The following DUSP3 variants were observed in gnomAD, a reference collection of about 807,000 sequenced individuals.
The protein encoded by DUSP3 is dual specificity protein phosphatase 3.
DUSP3 carries 7 observed loss-of-function variants against 15.5 expected under a neutral mutation model. That is an observed-to-expected ratio of 0.45 (90% CI 0.26 to 0.85). The LOEUF is 0.85. DUSP3 is among the 40% of genes least tolerant of loss of function. DUSP3 has a pLI of 0.18. For synonymous variants in DUSP3, 86 were observed against 104.2 expected (o/e 0.83, Z 1.07); for missense variants, 209 against 251.7 (o/e 0.83, Z 1.15).
rs945682697 is a variant in DUSP3, at chr17:43,769,431, CTTT to C, written c.*175_*177del. ...CAAGGACGCCCCCCTTGGCAAGCTT[CTTT>C]ATGTGCTCCCCAGGGTGGGGAAAGT... is the stretch of plus-strand genomic sequence containing the variant. On this transcript the variant is annotated 3_prime_UTR_variant, in exon 3 of 3. Coordinates refer to ENST00000226004, the MANE Select transcript of DUSP3 (RefSeq NM_004090.4). 3.5e-5 allele frequency: 23 copies of C among 661,908 alleles called. No homozygotes were observed. Among genetic ancestry groups the C allele is most frequent in the African/African-American group, 1.8e-5 (1 of 54,098 alleles). The allele number at this position is 661,908 out of a possible 1,614,324, so 41.0% of individuals were successfully genotyped here. A position where few individuals can be genotyped will look rare whatever the true frequency, so the allele number is the denominator to read the frequency against.
Position 43,769,318 on chromosome 17 carries a change from G to T in DUSP3, c.*291C>A. ...CACACCTCCTGCCGTGGGCCATCGGGAAGCATGCAGGCCACAGGCCTTCCC... is the reference window on the plus strand; with the variant it reads ...CACACCTCCTGCCGTGGGCCATCGGTAAGCATGCAGGCCACAGGCCTTCCC... On this transcript the variant is annotated 3_prime_UTR_variant, in exon 3 of 3. Transcript: ENST00000226004. The T allele has an allele frequency of 2.5e-6, 1 of 403,132 alleles. No individual in the cohort carries two copies. Among genetic ancestry groups the T allele is most frequent in the Non-Finnish European group, 4.5e-6 (1 of 222,548 alleles). 25.0% of individuals were successfully genotyped at this position (403,132 alleles called of 1,614,324 possible). A position where few individuals can be genotyped will look rare whatever the true frequency, so the allele number is the denominator to read the frequency against.
At position 43,768,613 on chromosome 17, in the gene DUSP3, C is replaced by G. The variant is rs1974271054; in HGVS notation, c.*996G>C. The G allele has an allele frequency of 6.6e-6, 1 of 152,208 alleles. No individual in the cohort carries two copies. Among genetic ancestry groups the G allele is most frequent in the African/African-American group, 2.4e-5 (1 of 41,430 alleles). 9.4% of individuals were successfully genotyped at this position (152,208 alleles called of 1,614,324 possible). A position where few individuals can be genotyped will look rare whatever the true frequency, so the allele number is the denominator to read the frequency against. The stretch of plus-strand genomic sequence containing the variant: ...GTTTCTGAGAGGCACGCCCCCCACA[C>G]ACATCCATGCACACACGCTGTAATT... On this transcript the variant is annotated 3_prime_UTR_variant, in exon 3 of 3. Coordinates refer to ENST00000226004, the MANE Select transcript of DUSP3 (RefSeq NM_004090.4).
chr17:43,778,220 T>TCTC (rs1251290019), intron 1 of DUSP3: 1 of 152,192 alleles, frequency 6.6e-6, no homozygotes, highest in East Asian at 1.9e-4. Flanking sequence ...CGTTCTAGAA[T>TCTC]CTCCTGTAAA....
chr17:43,769,851 G>C, intron 2 of DUSP3, 37 bp from the exon 3 acceptor site: 1 of 1,607,266 alleles, frequency 6.2e-7, no homozygotes, highest in Non-Finnish European at 8.5e-7. Context: ...AGCTGGGGGC[G>C]TCCCATCACA....
intron 1 of DUSP3, among the ~76,000 whole-genome samples, 161 bp downstream of exon 1, chr17:43,778,639 G>T (rs112499115): frequency 6.6e-6 from 1 of 152,054 alleles, no homozygotes; most frequent in Non-Finnish European, 1.5e-5. Context: ...GCGGGGGTAG[G>T]CGTCGACTCC....
At chr17:43,774,986 C>A (rs576345083) in intron 1 of DUSP3, 48 bp from the exon 2 acceptor site, 1 of 1,585,822 alleles carries the variant, frequency 6.3e-7, no homozygotes, top group African/African-American at 1.3e-5. Flanking sequence ...AAATGGCAGC[C>A]CCAGGGGGAG....
intron 1 of DUSP3, among the ~76,000 whole-genome samples, chr17:43,775,346 T>C (rs1366723002): frequency 1.1e-4 from 17 of 152,186 alleles, no homozygotes; most frequent in Non-Finnish European, 1.0e-4. Flanking sequence ...TGGGTCTGCA[T>C]CCTGCCCAGG....
rs945296583 is a variant in DUSP3, at chr17:43,767,835, G to C, written c.*1774C>G. On this transcript the variant is annotated 3_prime_UTR_variant, in exon 3 of 3. Transcript: ENST00000226004. Reference sequence around the variant, plus strand: ...AGCGGACAGCAAATGACCAGGCTGGGCAGGGCTGCTTCTGTGTGATCAGAG... The same window carrying C: ...AGCGGACAGCAAATGACCAGGCTGGCCAGGGCTGCTTCTGTGTGATCAGAG... The C allele has an allele frequency of 6.6e-6, 1 of 152,196 alleles. No individual in the cohort carries two copies. Among genetic ancestry groups the C allele is most frequent in the Non-Finnish European group, 1.5e-5 (1 of 68,066 alleles). 9.4% of individuals were successfully genotyped at this position (152,196 alleles called of 1,614,324 possible). A position where few individuals can be genotyped will look rare whatever the true frequency, so the allele number is the denominator to read the frequency against.
At chr17:43,777,218 C>T (rs571536963) in intron 1 of DUSP3, among the ~76,000 whole-genome samples, 2 of 152,332 alleles carry the variant, frequency 1.3e-5, no homozygotes, top group Admixed American at 6.5e-5. Flanking sequence ...GGTGACCCAC[C>T]CGCCTCGGCC....
At chr17:43,772,793 C>T (rs1974334829) in intron 2 of DUSP3, among the ~76,000 whole-genome samples, 1 of 152,114 alleles carries the variant, frequency 6.6e-6, no homozygotes. Context: ...GAAGAGAGGA[C>T]ACCATGCCAA....
intron 2 of DUSP3, among the ~76,000 whole-genome samples, chr17:43,772,199 T>G (rs1279608735): frequency 1.3e-5 from 2 of 152,198 alleles, no homozygotes; most frequent in Admixed American, 1.3e-4. Context: ...GAGTCTCTTC[T>G]GCTCCTATCA....
intron 2 of DUSP3, among the ~76,000 whole-genome samples, chr17:43,771,793 G>C (rs1974323850): frequency 6.6e-6 from 1 of 152,176 alleles, no homozygotes; most frequent in African/African-American, 2.4e-5. Context: ...CGGATCCCCT[G>C]AAGTCAGGAG....
rs941519260 is a variant in DUSP3, at chr17:43,766,370, G to C, written c.*3239C>G. 1 of 152,140 alleles carries C rather than the reference G, an allele frequency of 6.6e-6. No homozygotes were observed. Among genetic ancestry groups the C allele is most frequent in the African/African-American group, 2.4e-5 (1 of 41,414 alleles). The allele number at this position is 152,140 out of a possible 1,614,324, so 9.4% of individuals were successfully genotyped here. ...CGGAAATGTCTTCTATTTCCAATCA[G>C]GATAAAACCTTGACTTACTTGCAAG... On this transcript the variant is annotated 3_prime_UTR_variant, in exon 3 of 3. Transcript: ENST00000226004.
intron 2 of DUSP3, among the ~76,000 whole-genome samples, chr17:43,771,022 AT>A (rs1974312610): frequency 1.9e-5 from 2 of 107,648 alleles, no homozygotes; most frequent in African/African-American, 6.9e-5. Flanking sequence ...GTGTGTGTGT[AT>A]GTGTGTGTAT....
intron 1 of DUSP3, among the ~76,000 whole-genome samples, chr17:43,776,172 G>A (rs755919900): frequency 2.0e-5 from 3 of 152,170 alleles, no homozygotes; most frequent in African/African-American, 7.2e-5. Flanking sequence ...TGGTGAAAAG[G>A]CCCCTTTATT....
At chr17:43,774,648 G>C in intron 2 of DUSP3, 64 bp downstream of exon 2, 2 of 1,573,592 alleles carry the variant, frequency 1.3e-6, no homozygotes, top group South Asian at 2.2e-5. Context: ...TTGTGGGCCT[G>C]TTTTCCAGAG....
At position 43,768,774 on chromosome 17, in the gene DUSP3, T is replaced by C. The variant is rs575715684; in HGVS notation, c.*835A>G. On this transcript the variant is annotated 3_prime_UTR_variant, in exon 3 of 3. Coordinates refer to ENST00000226004, the MANE Select transcript of DUSP3 (RefSeq NM_004090.4). ...CCAAATGGTGGGGTTTTTAAATAGG[T>C]TGGACTTCAACTCCCTGTTTTCTAA... The C allele has an allele frequency of 3.8e-4, 57 of 151,926 alleles. No individual in the cohort carries two copies. Among genetic ancestry groups the C allele is most frequent in the African/African-American group, 1.4e-3 (56 of 41,382 alleles). 9.4% of individuals were successfully genotyped at this position (151,926 alleles called of 1,614,324 possible).
At chr17:43,770,966 T>C (rs1037360317) in intron 2 of DUSP3, among the ~76,000 whole-genome samples, 5 of 148,892 alleles carry the variant, frequency 3.4e-5, no homozygotes, top group African/African-American at 9.9e-5. Flanking sequence ...TATTTTAATA[T>C]AGTGTGTGTG....
Position 43,774,818 on chromosome 17 carries a change from G to T in DUSP3, c.246C>A (p.Gly82=), listed in dbSNP as rs763059564. Residue 82 remains glycine, a synonymous_variant, in exon 2 of 3, where the codon GGC becomes GGA. Coordinates refer to ENST00000226004, the MANE Select transcript of DUSP3 (RefSeq NM_004090.4). The part of the protein sequence containing the change: ...NTNANFYKDS[G]ITYLGIKAND... ...TGGCCTTGATGCCCAGGTATGTGAT[G>T]CCGGAGTCCTTGTAGAAGTTGGCAT... The T allele has an allele frequency of 1.6e-5, 26 of 1,614,184 alleles. No homozygotes were observed. Among genetic ancestry groups the T allele is most frequent in the Non-Finnish European group, 2.2e-5 (26 of 1,180,022 alleles).
Sources: gnomAD v4.1 joint callset for allele counts (sites outside exome capture counted in the v4.1 genomes callset) on GRCh38, gnomAD v4.1.1 for gene constraint, MANE v1.5 for transcripts, NCBI Gene and HGNC (gene_info 2026-07-23, HGNC 2026-07-21) for gene names.